HPCAL1: variants seen among roughly 807,000 people sequenced by gnomAD.
The protein encoded by HPCAL1 is hippocalcin-like protein 1.
A neutral mutation model predicts 17.1 loss-of-function variants in HPCAL1; 8 were observed. The ratio of observed to expected loss-of-function variants is 0.47; its 90% CI spans 0.27 to 0.84. The LOEUF (loss-of-function observed/expected upper bound fraction) is 0.84. Among genes scored for constraint, HPCAL1 ranks in the 40% least tolerant of loss-of-function variants. The pLI is 0.13. For synonymous variants in HPCAL1, 112 were observed against 111.4 expected (o/e 1.01, Z -0.03); for missense variants, 165 against 271.1 (o/e 0.61, Z 2.75).
intron 1 of HPCAL1, among the ~76,000 whole-genome samples, chr2:10,314,897 ATAGAT>A (rs1449188287): frequency 2.0e-5 from 3 of 152,196 alleles, no homozygotes; most frequent in East Asian, 1.9e-4. Context: ...TAGATATTAG[ATAGAT>A]TAGATTAGGA....
chr2:10,403,364 G>A (rs1193635557), intron 2 of HPCAL1, among the ~76,000 whole-genome samples: 2 of 150,918 alleles, frequency 1.3e-5, no homozygotes, highest in Non-Finnish European at 2.9e-5. Context: ...GAAAGTGAGA[G>A]CCGTCAGGGT....
At chr2:10,424,053 A>G (rs1374208670) in intron 4 of HPCAL1, 2 of 163,052 alleles carry the variant, frequency 1.2e-5, no homozygotes, top group Non-Finnish European at 2.7e-5. Flanking sequence ...AGATCGCACC[A>G]CTGCACTCCA....
At chr2:10,414,875 T>A (rs771008172) in intron 2 of HPCAL1, among the ~76,000 whole-genome samples, 3 of 152,230 alleles carry the variant, frequency 2.0e-5, no homozygotes, top group African/African-American at 4.8e-5. Context: ...GCACGTGCGC[T>A]GCTGCTGTTA....
At chr2:10,374,606 C>T (rs1667428489) in intron 1 of HPCAL1, among the ~76,000 whole-genome samples, 2 of 152,172 alleles carry the variant, frequency 1.3e-5, no homozygotes, top group South Asian at 4.1e-4. Flanking sequence ...ACCTTGCCCT[C>T]CAGAAATGCA....
At chr2:10,312,318 A>T (rs1163457483) in intron 1 of HPCAL1, among the ~76,000 whole-genome samples, 3 of 14,004 alleles carry the variant, frequency 2.1e-4, no homozygotes, top group African/African-American at 9.2e-4. Flanking sequence ...CATCATCATC[A>T]TCATATCATC....
rs965622289 is a variant in HPCAL1, at chr2:10,310,763, C to T, written c.-111+7586C>T. Among the ~76,000 whole-genome samples, 1 of 152,136 alleles carries T rather than the reference C, an allele frequency of 6.6e-6. No individual in the cohort carries two copies. Among genetic ancestry groups the T allele is most frequent in the African/African-American group, 2.4e-5 (1 of 41,408 alleles). ...GTGCTGGCAGGCCGGAGGAGGACTG[C>T]TGGGCACACTTGCAGAATTGCGGTT... On this transcript the variant is annotated intron_variant, in intron 1 of 4. Transcript: ENST00000307845. This position sits in a 1 kb window ranked among gnomAD's most constrained non-coding sequence, Gnocchi z 4.5.
chr2:10,353,817 C>G (rs1284801551), intron 1 of HPCAL1, among the ~76,000 whole-genome samples: 1 of 152,192 alleles, frequency 6.6e-6, no homozygotes, highest in Non-Finnish European at 1.5e-5. Context: ...CCACCTCAGC[C>G]TCCCAAAGTT....
rs575029104 is a variant in HPCAL1, at chr2:10,317,508, C to G, written c.-111+14331C>G. ...TCTCGGTTCACTGCATCCTGTGCCT[C>G]CTGGGTTCGAGCAATTCTCCTGCCT... is the stretch of plus-strand genomic sequence containing the variant. On this transcript the variant is annotated intron_variant, in intron 1 of 4. Transcript: ENST00000307845. Among the ~76,000 whole-genome samples, 58 of 151,826 alleles carry G rather than the reference C, an allele frequency of 3.8e-4. 1 individual carries two copies. The highest frequency in any genetic ancestry group is 3.6e-3 in the Admixed American group (55 of 15,266).
chr2:10,309,493 G>A (rs1228246906), intron 1 of HPCAL1, among the ~76,000 whole-genome samples: 5 of 152,140 alleles, frequency 3.3e-5, no homozygotes, highest in Non-Finnish European at 7.3e-5. Context: ...GCCTTGCCTG[G>A]GCTGGTGTTC....
At chr2:10,417,054 C>T (rs1436518665) in intron 2 of HPCAL1, among the ~76,000 whole-genome samples, 2 of 152,118 alleles carry the variant, frequency 1.3e-5, no homozygotes, top group African/African-American at 4.8e-5. Flanking sequence ...AGAGAAGAAT[C>T]CTCTCTCTTA....
intron 1 of HPCAL1, among the ~76,000 whole-genome samples, chr2:10,396,243 G>T (rs185204915): frequency 6.6e-6 from 1 of 152,360 alleles, no homozygotes; most frequent in African/African-American, 2.4e-5. Flanking sequence ...GGCCCAGGAG[G>T]CATGCTGGGG....
chr2:10,355,769 C>T (rs1343441760), intron 1 of HPCAL1, among the ~76,000 whole-genome samples: 3 of 151,954 alleles, frequency 2.0e-5, no homozygotes, highest in African/African-American at 4.8e-5. Flanking sequence ...CAGAGATGGA[C>T]ACTTTTTTTT....
chr2:10,380,257 G>A (rs1042660926), intron 1 of HPCAL1, among the ~76,000 whole-genome samples: 4 of 152,242 alleles, frequency 2.6e-5, no homozygotes, highest in African/African-American at 9.6e-5. Flanking sequence ...TAGTGAGGAA[G>A]TGTGTGGGCA....
intron 1 of HPCAL1, among the ~76,000 whole-genome samples, chr2:10,355,773 T>G (rs2125474213): frequency 6.6e-6 from 1 of 150,800 alleles, no homozygotes; most frequent in South Asian, 2.1e-4. Context: ...GATGGACACT[T>G]TTTTTTTTTC....
chr2:10,394,390 T>C lies in HPCAL1; in HGVS notation c.-110-2445T>C, dbSNP rs770923576. Among the ~76,000 whole-genome samples, 25 of 152,100 alleles carry C rather than the reference T, an allele frequency of 1.6e-4. No homozygotes were observed. The highest frequency in any genetic ancestry group is 2.6e-4 in the Non-Finnish European group (18 of 68,004). ...TCTCCTCGTGGAGAGCCCTTGACCCTGTCCAGGTCTTGATTTCTCGGAGTG... is the reference window on the plus strand; with the variant it reads ...TCTCCTCGTGGAGAGCCCTTGACCCCGTCCAGGTCTTGATTTCTCGGAGTG... On this transcript the variant is annotated intron_variant, in intron 1 of 4. Transcript: ENST00000307845. The surrounding 1 kb of genome is among the most constrained non-coding windows in gnomAD (Gnocchi z 5.0).
chr2:10,391,273 C>G (rs1381208315), intron 1 of HPCAL1, among the ~76,000 whole-genome samples: 2 of 152,156 alleles, frequency 1.3e-5, no homozygotes, highest in Non-Finnish European at 2.9e-5. Flanking sequence ...CATCCCTTCC[C>G]CTCTGTAAGG....
intron 1 of HPCAL1, among the ~76,000 whole-genome samples, chr2:10,370,828 C>T (rs1443120516): frequency 6.6e-6 from 1 of 152,212 alleles, no homozygotes; most frequent in Non-Finnish European, 1.5e-5. Context: ...GCTCAAATTC[C>T]AACTTTTCTA....
intron 2 of HPCAL1, among the ~76,000 whole-genome samples, chr2:10,398,599 C>T (rs942300996): frequency 2.0e-5 from 3 of 152,124 alleles, no homozygotes; most frequent in African/African-American, 4.8e-5. Flanking sequence ...AGACCCCGGG[C>T]GTGGCTGCTT....
chr2:10,325,132 C>T (rs529901337), intron 1 of HPCAL1, among the ~76,000 whole-genome samples: 4 of 151,982 alleles, frequency 2.6e-5, no homozygotes, highest in African/African-American at 7.2e-5. Context: ...TGTGCCCAGC[C>T]GGGTTGCTGT....
Sources: gnomAD v4.1 joint callset for allele counts (sites outside exome capture counted in the v4.1 genomes callset) on GRCh38, gnomAD v4.1.1 for gene constraint, Gnocchi (gnomAD v3.1) non-coding constraint, MANE v1.5 for transcripts, NCBI Gene and HGNC (gene_info 2026-07-23, HGNC 2026-07-21) for gene names.